Variants in FARSB observed in about 807,000 individuals in gnomAD.
The protein encoded by FARSB is phenylalanine--tRNA ligase beta subunit.
In FARSB, 40 loss-of-function variants were observed where a neutral mutation model predicts 69.6. The observed-to-expected ratio is 0.57, with a 90% CI of 0.45 to 0.75. The LOEUF is 0.75. Among genes scored for constraint, FARSB ranks in the 30% least tolerant of loss-of-function variants. The pLI is 0.00. For missense variants in FARSB, 632 were observed against 722.9 expected, an observed-to-expected ratio of 0.87 and a Z score of 1.44; for synonymous variants, 235 against 247.2, an observed-to-expected ratio of 0.95 and a Z score of 0.46.
intron 15 of FARSB, among the ~76,000 whole-genome samples, chr2:222,610,476 G>T (rs1045408043): frequency 6.7e-6 from 1 of 148,806 alleles, no homozygotes; most frequent in Non-Finnish European, 1.5e-5. Context: ...GTCTGTTTTA[G>T]TTTTCTTATT....
Position 222,656,031 on chromosome 2 carries a change from G to T in FARSB, c.43C>A (p.Leu15Met), listed in dbSNP as rs1439189596. The change falls in exon 1 of 17, where the codon CTG becomes ATG. Residue 15 changes from leucine (L) to methionine (M), a missense_variant. Transcript: ENST00000281828. The part of the protein sequence containing the change: ...SVKRDLLFQA[L>M]GRTYTDEEFD... ...CGCCACTCACTGTAGGTGCGGCCCA[G>T]GGCTTGGAAGAGCAGATCACGCTTC... 2 of 1,596,568 alleles carry T rather than the reference G, an allele frequency of 1.3e-6. No individual in the cohort carries two copies. Among genetic ancestry groups the T allele is most frequent in the Non-Finnish European group, 8.5e-7 (1 of 1,172,142 alleles).
At chr2:222,644,992 A>C (rs1358868493) in intron 2 of FARSB, among the ~76,000 whole-genome samples, 1 of 152,014 alleles carries the variant, frequency 6.6e-6, no homozygotes, top group Non-Finnish European at 1.5e-5. Flanking sequence ...TGCAAAAAAA[A>C]AAAAAGACAC....
chr2:222,592,322 C>T (rs887898435), intron 16 of FARSB, among the ~76,000 whole-genome samples: 5 of 152,066 alleles, frequency 3.3e-5, no homozygotes, highest in African/African-American at 1.2e-4. Context: ...TCTCTTAATC[C>T]TTCTGGAGTA....
chr2:222,578,567 C>T (rs747264505), intron 16 of FARSB, among the ~76,000 whole-genome samples: 17 of 152,208 alleles, frequency 1.1e-4, no homozygotes, highest in African/African-American at 1.7e-4. Context: ...AGGCCGGGCA[C>T]GGTGGCTCAC....
Position 222,633,554 on chromosome 2 carries a change from T to C in FARSB, c.607-247A>G, listed in dbSNP as rs567625113. ...AAAATTAGCCAGGCGTGGTGGCACA[T>C]GCCTGTAATCCCAGCTACTCGGGAG... On this transcript the variant is annotated intron_variant, in intron 6 of 16. Coordinates refer to ENST00000281828, the MANE Select transcript of FARSB (RefSeq NM_005687.5). Among the ~76,000 whole-genome samples, 29 of 151,922 alleles carry C rather than the reference T, an allele frequency of 1.9e-4. No homozygotes were observed. In the South Asian group the frequency reaches 5.8e-3, roughly 30 times the overall value.
At chr2:222,628,189 T>C (rs1014041907) in intron 10 of FARSB, among the ~76,000 whole-genome samples, 2 of 152,262 alleles carry the variant, frequency 1.3e-5, no homozygotes, top group Admixed American at 1.3e-4. Flanking sequence ...TTAAAAGGAG[T>C]GAGACTATAA....
intron 15 of FARSB, among the ~76,000 whole-genome samples, chr2:222,604,918 T>C (rs555563528): frequency 6.6e-6 from 1 of 151,864 alleles, no homozygotes; most frequent in Non-Finnish European, 1.5e-5. Flanking sequence ...AAAAAGAAGA[T>C]AAGCACACAC....
At chr2:222,573,231 G>C (rs956012421) in intron 16 of FARSB, among the ~76,000 whole-genome samples, 1 of 152,134 alleles carries the variant, frequency 6.6e-6, no homozygotes, top group African/African-American at 2.4e-5. Context: ...TCTGGGGAAA[G>C]AGCTGGAAAA....
chr2:222,632,506 C>T (rs1440887526), intron 7 of FARSB, among the ~76,000 whole-genome samples: 2 of 152,190 alleles, frequency 1.3e-5, no homozygotes, highest in African/African-American at 4.8e-5. Flanking sequence ...AGCAAATCAG[C>T]TAAGCCTCCT....
intron 16 of FARSB, among the ~76,000 whole-genome samples, chr2:222,585,175 C>T (rs568946556): frequency 4.6e-5 from 7 of 152,338 alleles, no homozygotes; most frequent in Admixed American, 3.3e-4. Context: ...CAACATTTGC[C>T]GTTCTACAAT....
chr2:222,648,644 C>A, intron 2 of FARSB, 96 bp downstream of exon 2: 1 of 823,756 alleles, frequency 1.2e-6, no homozygotes. Flanking sequence ...TCACCTTAGT[C>A]TAACTATAAG....
chr2:222,586,991 T>C (rs1053602427), intron 16 of FARSB, among the ~76,000 whole-genome samples: 6 of 152,192 alleles, frequency 3.9e-5, no homozygotes, highest in African/African-American at 1.4e-4. Flanking sequence ...TGAACTCAGC[T>C]CTGCACCAAG....
chr2:222,619,519 CAAG>C (rs1257734858), intron 14 of FARSB, 123 bp downstream of exon 14: 2 of 601,726 alleles, frequency 3.3e-6, no homozygotes, highest in Non-Finnish European at 6.0e-6. Context: ...TAAACTTACC[CAAG>C]AAGATATTAT....
rs1224384301 is a variant in FARSB at position 222,569,665 on chromosome 2, T to C, written c.*2206A>G. 6.6e-6 allele frequency: 1 copy of C among 152,156 alleles called. No individual in the cohort carries two copies. Among genetic ancestry groups the C allele is most frequent in the Non-Finnish European group, 1.5e-5 (1 of 68,004 alleles). The allele number at this position is 152,156 out of a possible 1,614,324, so 9.4% of individuals were successfully genotyped here. A position where few individuals can be genotyped will look rare whatever the true frequency, so the allele number is the denominator to read the frequency against. ...CTGCAGTCAGTTCTCTTTCCTGAGG[T>C]CCTGCCGACCACCTGCTTTTGACTT... On this transcript the variant is annotated 3_prime_UTR_variant, in exon 17 of 17. Transcript: ENST00000281828.
intron 14 of FARSB, among the ~76,000 whole-genome samples, chr2:222,619,239 G>C (rs1691078035): frequency 6.6e-6 from 1 of 151,188 alleles, no homozygotes; most frequent in Non-Finnish European, 1.5e-5. Flanking sequence ...CCAGGAGGCA[G>C]AGGTTGCAGT....
chr2:222,604,175 G>A (rs1244773449), intron 15 of FARSB, among the ~76,000 whole-genome samples: 7 of 149,188 alleles, frequency 4.7e-5, no homozygotes, highest in African/African-American at 1.5e-4. Context: ...CCGAGATCAC[G>A]CCACTGCACT....
intron 16 of FARSB, among the ~76,000 whole-genome samples, chr2:222,587,192 T>G (rs1015694029): frequency 1.3e-5 from 2 of 152,134 alleles, no homozygotes; most frequent in Non-Finnish European, 2.9e-5. Flanking sequence ...TAGAACTCAG[T>G]ATTAAGAAAC....
At chr2:222,592,297 C>T (rs1017384403) in intron 16 of FARSB, among the ~76,000 whole-genome samples, 12 of 152,256 alleles carry the variant, frequency 7.9e-5, no homozygotes, top group Admixed American at 6.5e-4. Context: ...TCTTTCCAGC[C>T]ACCCATCCAT....
chr2:222,583,900 A>G (rs1235288949), intron 16 of FARSB, among the ~76,000 whole-genome samples: 1 of 152,124 alleles, frequency 6.6e-6, no homozygotes, highest in African/African-American at 2.4e-5. Context: ...GCCTTTCACC[A>G]TGATTTTAAG....
Sources: allele counts gnomAD v4.1 joint callset (sites outside exome capture counted in the v4.1 genomes callset), GRCh38; gene constraint gnomAD v4.1.1; transcripts MANE v1.5; gene names NCBI Gene and HGNC (gene_info 2026-07-23, HGNC 2026-07-21).